Variants in RBBP4 observed in about 807,000 individuals in gnomAD.
RBBP4 encodes RB binding protein 4, chromatin remodeling factor, also known as histone-binding protein RBBP4.
A neutral mutation model predicts 57.2 loss-of-function variants in RBBP4; 3 were observed. The ratio of observed to expected loss-of-function variants is 0.05; its 90% CI spans 0.02 to 0.14. The LOEUF is 0.14. RBBP4 is among the 10% of genes least tolerant of loss of function. The pLI, the probability that RBBP4 is intolerant of heterozygous loss-of-function variation, is 1.00. For synonymous variants in RBBP4, 151 were observed against 171.5 expected, an observed-to-expected ratio of 0.88 and a Z score of 0.93; for missense variants, 107 against 520.6, an observed-to-expected ratio of 0.21 and a Z score of 7.73.
Position 32,679,676 on chromosome 1 carries a change from A to G in RBBP4, c.1249A>G (p.Ser417Gly), listed in dbSNP as rs1413421473. Residue 417 changes from serine to glycine, a missense_variant, in exon 12 of 12, where the codon AGC becomes GGC. Transcript: ENST00000373493. ...NIYNDEDPEG[S>G]VDPEGQGS ...TTATAATGATGAAGACCCTGAAGGA[A>G]GCGTGGATCCAGAAGGACAAGGGTC... 1 of 1,606,480 alleles carries G rather than the reference A, an allele frequency of 6.2e-7. No individual in the cohort carries two copies. Among genetic ancestry groups the G allele is most frequent in the Non-Finnish European group, 8.5e-7 (1 of 1,177,872 alleles).
At chr1:32,656,223 C>T (rs1648132685) in intron 2 of RBBP4, among the ~76,000 whole-genome samples, 1 of 152,124 alleles carries the variant, frequency 6.6e-6, no homozygotes, top group South Asian at 2.1e-4. Context: ...AGGAAGTAGT[C>T]TTTCTCTGTC....
At chr1:32,676,713 A>G (rs1169100998) in intron 11 of RBBP4, among the ~76,000 whole-genome samples, 2 of 152,162 alleles carry the variant, frequency 1.3e-5, no homozygotes, top group South Asian at 4.1e-4. Flanking sequence ...TTTTTTTACA[A>G]AAAAGATGTG....
At position 32,680,022 on chromosome 1, in the gene RBBP4, A is replaced by T. The variant is rs1277907184; in HGVS notation, c.*317A>T. ...CTATATCCCCAAGTTTTTCAGACTC[A>T]TTTAAGTAAAGGCTAGAGTGAGTAA... On this transcript the variant is annotated 3_prime_UTR_variant, in exon 12 of 12. Coordinates refer to ENST00000373493, the MANE Select transcript of RBBP4 (RefSeq NM_005610.3). The T allele has an allele frequency of 1.9e-5, 21 of 1,127,124 alleles. No individual in the cohort carries two copies. Among genetic ancestry groups the T allele is most frequent in the Non-Finnish European group, 2.2e-5 (20 of 921,092 alleles). The allele number at this position is 1,127,124 out of a possible 1,614,324, so 69.8% of individuals were successfully genotyped here. A position where few individuals can be genotyped will look rare whatever the true frequency, so the allele number is the denominator to read the frequency against.
rs74723505 is a variant in RBBP4 at position 32,660,805 on chromosome 1, G to A, written c.310+3233G>A. On this transcript the variant is annotated intron_variant, in intron 3 of 11. Coordinates refer to ENST00000373493, the MANE Select transcript of RBBP4 (RefSeq NM_005610.3). Reference sequence around the variant, plus strand: ...AGAATCCAGCCTTTTTTTCCTAAATGATTGAGTTTTTGTTGTTATTTTGAG... The same window carrying A: ...AGAATCCAGCCTTTTTTTCCTAAATAATTGAGTTTTTGTTGTTATTTTGAG... 1.1e-3 allele frequency among the ~76,000 whole-genome samples: 162 copies of A among 151,742 alleles called. 1 individual carries two copies. In the East Asian group the frequency reaches 0.029, roughly 27 times the overall value.
chr1:32,672,936 A>G (rs771512744), intron 11 of RBBP4, 35 bp downstream of exon 11: 2 of 1,476,666 alleles, frequency 1.4e-6, no homozygotes, highest in East Asian at 2.3e-5. Context: ...GGGAGGTGAA[A>G]TAAGTGAGAC....
At position 32,684,006 on chromosome 1, in the gene RBBP4, T is replaced by G; in HGVS notation, c.*4301T>G. On this transcript the variant is annotated 3_prime_UTR_variant, in exon 12 of 12. Coordinates refer to ENST00000373493, the MANE Select transcript of RBBP4 (RefSeq NM_005610.3). ...AACACCACTCTTCTCTTCACAAAGA[T>G]CACCTTGAGACTGTGTCTCCATTCC... The G allele has an allele frequency of 6.2e-7, 1 of 1,613,554 alleles. No individual in the cohort carries two copies. The highest frequency in any genetic ancestry group is 1.1e-5 in the South Asian group (1 of 91,016).
chr1:32,652,234 T>TA (rs1226735180), intron 2 of RBBP4, 173 bp downstream of exon 2: 3 of 732,400 alleles, frequency 4.1e-6, no homozygotes, highest in Non-Finnish European at 6.5e-6. Context: ...TTTTGTAACT[T>TA]ACCTGACAAG....
Position 32,673,387 on chromosome 1 carries a change from A to G in RBBP4, c.1212+486A>G, listed in dbSNP as rs541741374. ...TCTCCATGAAAGCTGTCTAGATTTC[A>G]AAAATGTTCCCTATCTCTATCTCAA... On this transcript the variant is annotated intron_variant, in intron 11 of 11. Transcript: ENST00000373493. 1.2e-3 allele frequency: 467 copies of G among 380,274 alleles called. 4 individuals are homozygous for G. The highest frequency in any genetic ancestry group is 7.4e-4 in the East Asian group (9 of 12,122). 23.6% of individuals were successfully genotyped at this position (380,274 alleles called of 1,614,324 possible). A position where few individuals can be genotyped will look rare whatever the true frequency, so the allele number is the denominator to read the frequency against.
chr1:32,655,217 TCCTC>T lies in RBBP4; in HGVS notation c.165-2207_165-2204del, dbSNP rs537826221. On this transcript the variant is annotated intron_variant, in intron 2 of 11. Coordinates refer to ENST00000373493, the MANE Select transcript of RBBP4 (RefSeq NM_005610.3). The stretch of plus-strand genomic sequence containing the variant: ...TTCTTTAACTTCTGGGCTCCAGTGA[TCCTC>T]CCACTTTGACCTCCCAAAGTGCTGG... Among the ~76,000 whole-genome samples, 529 of 152,164 alleles carry T rather than the reference TCCTC, an allele frequency of 3.5e-3. 4 individuals are homozygous for T. Among genetic ancestry groups the T allele is most frequent in the African/African-American group, 0.012 (512 of 41,506 alleles).
At chr1:32,654,946 C>G (rs148321759) in intron 2 of RBBP4, among the ~76,000 whole-genome samples, 2 of 152,134 alleles carry the variant, frequency 1.3e-5, no homozygotes, top group Non-Finnish European at 2.9e-5. Flanking sequence ...CCACCCGCTT[C>G]GGCCTCCCAA....
intron 3 of RBBP4, among the ~76,000 whole-genome samples, chr1:32,660,480 A>G (rs1458638586): frequency 6.6e-6 from 1 of 151,618 alleles, no homozygotes; most frequent in East Asian, 1.9e-4. Flanking sequence ...GCAGTGGCGC[A>G]ATCTCTGCTC....
chr1:32,664,702 C>T (rs900105364), intron 3 of RBBP4, among the ~76,000 whole-genome samples: 12 of 152,068 alleles, frequency 7.9e-5, no homozygotes, highest in African/African-American at 1.9e-4. Flanking sequence ...CCACCCGTCT[C>T]GGCCTCCCAA....
chr1:32,680,631 G>T lies in RBBP4; in HGVS notation c.*926G>T. 2.4e-6 allele frequency: 3 copies of T among 1,271,602 alleles called. No individual in the cohort carries two copies. The highest frequency in any genetic ancestry group is 4.9e-5 in the Admixed American group (2 of 40,466). 78.8% of individuals were successfully genotyped at this position (1,271,602 alleles called of 1,614,324 possible). ...ACTAACTGTGTAAGTGCTTAAAATG[G>T]AATAAATTGCTTTTCTACATAACCC... is the stretch of plus-strand genomic sequence containing the variant. On this transcript the variant is annotated 3_prime_UTR_variant, in exon 12 of 12. Coordinates refer to ENST00000373493, the MANE Select transcript of RBBP4 (RefSeq NM_005610.3).
chr1:32,670,609 G>A (rs550830608), intron 8 of RBBP4, among the ~76,000 whole-genome samples: 2 of 151,386 alleles, frequency 1.3e-5, no homozygotes, highest in Admixed American at 6.6e-5. Flanking sequence ...TTTTGCTCTT[G>A]TTGGCCAGGC....
chr1:32,663,302 T>C (rs960319662), intron 3 of RBBP4, among the ~76,000 whole-genome samples: 5 of 152,318 alleles, frequency 3.3e-5, no homozygotes, highest in African/African-American at 1.2e-4. Context: ...ATACCTCACG[T>C]TTGTTTTAAT....
At chr1:32,678,496 G>T (rs937839748) in intron 11 of RBBP4, among the ~76,000 whole-genome samples, 1 of 146,552 alleles carries the variant, frequency 6.8e-6, no homozygotes, top group Non-Finnish European at 1.5e-5. Flanking sequence ...CAAAATGCTG[G>T]GATTACAGGC....
intron 3 of RBBP4, among the ~76,000 whole-genome samples, chr1:32,661,300 TC>T (rs58620438): frequency 0.19 from 10,173 of 54,978 alleles, 1,474 homozygotes; most frequent in African/African-American, 0.4. Context: ...TATTTTTAGT[TC>T]CTTTTTTTTT....
intron 3 of RBBP4, among the ~76,000 whole-genome samples, chr1:32,659,189 C>T (rs550489632): frequency 6.7e-6 from 1 of 149,056 alleles, no homozygotes; most frequent in African/African-American, 2.4e-5. Flanking sequence ...TAAATGTATA[C>T]ACACACATAT....
chr1:32,667,978 C>A (rs1358485972), intron 3 of RBBP4, among the ~76,000 whole-genome samples: 1 of 151,998 alleles, frequency 6.6e-6, no homozygotes. Context: ...CAATTAATGG[C>A]TAGTTGAATT....
Sources: gnomAD v4.1 joint callset for allele counts (sites outside exome capture counted in the v4.1 genomes callset) on GRCh38, gnomAD v4.1.1 for gene constraint, MANE v1.5 for transcripts, NCBI Gene and HGNC (gene_info 2026-07-23, HGNC 2026-07-21) for gene names.